Variants in MDN1 observed in about 807,000 individuals in gnomAD.
The protein encoded by MDN1 is midasin.
MDN1 carries 266 observed loss-of-function variants against 669.2 expected under a neutral mutation model. The observed-to-expected ratio is 0.40, with a 90% CI of 0.36 to 0.44. The LOEUF is 0.44. Among genes scored for constraint, MDN1 ranks in the 20% least tolerant of loss-of-function variants. The probability of loss-of-function intolerance (pLI) is 1.00; values close to 1 mark genes in which losing one functional copy is unlikely to be tolerated. For synonymous variants in MDN1, 2,385 were observed against 2,457.1 expected (o/e 0.97, Z 0.87); for missense variants, 5,940 against 6,754.0 (o/e 0.88, Z 4.22).
At chr6:89,676,807 A>C (rs1248418793) in intron 76 of MDN1, among the ~76,000 whole-genome samples, 1 of 152,220 alleles carries the variant, frequency 6.6e-6, no homozygotes, top group Non-Finnish European at 1.5e-5. Context: ...TACCCAGTTC[A>C]TGCAAAGCAT....
chr6:89,791,562 C>T (rs573559528), intron 5 of MDN1, among the ~76,000 whole-genome samples: 1 of 152,288 alleles, frequency 6.6e-6, no homozygotes, highest in South Asian at 2.1e-4. Flanking sequence ...TGGGTATTCA[C>T]TATACCATTC....
chr6:89,809,993 T>TAAAAA (rs61558155), intron 1 of MDN1, among the ~76,000 whole-genome samples: 35 of 52,824 alleles, frequency 6.6e-4, no homozygotes, highest in Admixed American at 1.5e-3. Flanking sequence ...TCCGTTTCAC[T>TAAAAA]AAAAAAAAAA....
chr6:89,697,090 G>A (rs1812808244), intron 59 of MDN1, among the ~76,000 whole-genome samples: 1 of 152,168 alleles, frequency 6.6e-6, no homozygotes, highest in South Asian at 2.1e-4. Flanking sequence ...AGGCTTTGAG[G>A]GGTGTTTTAC....
chr6:89,778,966 CT>C (rs1562209697), intron 11 of MDN1, among the ~76,000 whole-genome samples: 2 of 146,668 alleles, frequency 1.4e-5, no homozygotes, highest in Non-Finnish European at 3.0e-5. Context: ...TCAGTATGTA[CT>C]AAAATAAGCC....
At chr6:89,721,875 G>A (rs1814847959) in intron 40 of MDN1, among the ~76,000 whole-genome samples, 1 of 152,176 alleles carries the variant, frequency 6.6e-6, no homozygotes, top group Admixed American at 6.5e-5. Flanking sequence ...ATGTGCTATG[G>A]GCCAGCCACA....
intron 51 of MDN1, among the ~76,000 whole-genome samples, chr6:89,708,051 C>G (rs781330393): frequency 6.6e-6 from 1 of 152,088 alleles, no homozygotes; most frequent in South Asian, 2.1e-4. Context: ...CCTATAACCC[C>G]GGCACTTTGG....
In MDN1 at chr6:89,699,631, T is replaced by G; in HGVS notation, c.8967A>C (p.Arg2989=). The part of the protein sequence containing the change: ...YHTPVTPQEL[R]DLWSLLHHQK... The stretch of plus-strand genomic sequence containing the variant: ...GATGATGCAGCAAGGACCACAGATC[T>G]CGAAGCTCTTGAGGTGTAACAGGTG... Residue 2989 remains arginine, a synonymous_variant, in exon 58 of 102, where the codon CGA becomes CGC. Coordinates refer to ENST00000369393, the MANE Select transcript of MDN1 (RefSeq NM_014611.3). 6.2e-7 allele frequency: 1 copy of G among 1,614,034 alleles called. No homozygotes were observed. Among genetic ancestry groups the G allele is most frequent in the Non-Finnish European group, 8.5e-7 (1 of 1,179,956 alleles).
chr6:89,648,427 T>G, intron 97 of MDN1, 98 bp from the exon 98 acceptor site: 2 of 1,201,178 alleles, frequency 1.7e-6, no homozygotes, highest in Non-Finnish European at 2.4e-6. Flanking sequence ...AGAAAACATT[T>G]TTTTGTTTGG....
At chr6:89,732,845 G>A in intron 33 of MDN1, 70 bp from the exon 34 acceptor site, 1 of 1,445,864 alleles carries the variant, frequency 6.9e-7, no homozygotes, top group Non-Finnish European at 9.5e-7. Flanking sequence ...CATAACCAGG[G>A]GCACACAAAT....
rs557247380 is a variant in MDN1 at position 89,702,516 on chromosome 6, G to A, written c.8149-455C>T. ...ATTCTGGTGGATGGTACCGCACTGC[G>A]GTTTCAAGTTACATTTCTTTGATAA... is the stretch of plus-strand genomic sequence containing the variant. On this transcript the variant is annotated intron_variant, in intron 53 of 101. Transcript: ENST00000369393. Among the ~76,000 whole-genome samples the A allele has an allele frequency of 4.6e-5, 7 of 152,274 alleles. No homozygotes were observed. In the East Asian group the frequency reaches 7.7e-4, roughly 17 times the overall value.
At chr6:89,719,610 T>C (rs1200906496) in intron 40 of MDN1, among the ~76,000 whole-genome samples, 2 of 152,158 alleles carry the variant, frequency 1.3e-5, no homozygotes, top group East Asian at 1.9e-4. Flanking sequence ...TAAAGAAAAA[T>C]GACCATTCAT....
At chr6:89,743,369 T>A (rs138520139) in intron 30 of MDN1, 89 bp from the exon 31 acceptor site, 2 of 1,519,496 alleles carry the variant, frequency 1.3e-6, no homozygotes, top group Non-Finnish European at 1.8e-6. Context: ...AGGGGTGAAG[T>A]AGGCATTCTG....
intron 2 of MDN1, among the ~76,000 whole-genome samples, chr6:89,802,404 G>T (rs1028200447): frequency 1.8e-4 from 27 of 152,216 alleles, no homozygotes; most frequent in African/African-American, 6.3e-4. Context: ...TGTTCTGTTG[G>T]CCGGGCACAG....
intron 1 of MDN1, chr6:89,815,461 T>A (rs1052247483): frequency 1.2e-5 from 4 of 324,594 alleles, no homozygotes; most frequent in African/African-American, 8.9e-5. Flanking sequence ...TGCTTCCCCA[T>A]GAGCTTCCTG....
At chr6:89,719,962 G>A (rs1210560988) in intron 40 of MDN1, among the ~76,000 whole-genome samples, 3 of 152,000 alleles carry the variant, frequency 2.0e-5, no homozygotes, top group South Asian at 2.1e-4. Flanking sequence ...TAATGGTGGG[G>A]GGCGGATAGA....
intron 84 of MDN1, 75 bp downstream of exon 84, chr6:89,667,938 AT>A: frequency 6.4e-7 from 1 of 1,566,440 alleles, no homozygotes; most frequent in Admixed American, 1.8e-5. Flanking sequence ...AGTAAAAACC[AT>A]TTTTATGTGT....
intron 74 of MDN1, 34 bp from the exon 75 acceptor site, chr6:89,678,779 A>AT (rs1562077045): frequency 6.3e-7 from 1 of 1,591,864 alleles, no homozygotes. Context: ...AGGGGAGACA[A>AT]TAAGAAAATC....
intron 35 of MDN1, 25 bp from the exon 36 acceptor site, chr6:89,729,164 T>C (rs1359962383): frequency 8.8e-6 from 14 of 1,583,382 alleles, no homozygotes; most frequent in Non-Finnish European, 8.6e-6. Flanking sequence ...AGTAAAGTCA[T>C]GTATAAGCGG....
intron 63 of MDN1, among the ~76,000 whole-genome samples, chr6:89,691,994 T>C (rs1450663813): frequency 6.6e-6 from 1 of 152,168 alleles, no homozygotes; most frequent in African/African-American, 2.4e-5. Context: ...TATATACACA[T>C]ACAAGCAAGC....
Sources: gnomAD v4.1 joint callset for allele counts (sites outside exome capture counted in the v4.1 genomes callset) on GRCh38, gnomAD v4.1.1 for gene constraint, MANE v1.5 for transcripts, NCBI Gene and HGNC (gene_info 2026-07-23, HGNC 2026-07-21) for gene names.